RAD51B: variants seen among roughly 807,000 people sequenced by gnomAD.
RAD51B encodes the protein DNA repair protein RAD51 homolog 2.
In RAD51B, 38 loss-of-function variants were observed where a neutral mutation model predicts 42.2. The ratio of observed to expected loss-of-function variants is 0.90; its 90% CI spans 0.70 to 1.18. The LOEUF (loss-of-function observed/expected upper bound fraction) is 1.18, where lower values mean the gene tolerates loss of function less well. RAD51B is among the 50% of genes most tolerant of loss of function. The pLI is 0.00. For synonymous variants in RAD51B, 154 were observed against 145.2 expected (o/e 1.06, Z -0.43); for missense variants, 373 against 400.7 (o/e 0.93, Z 0.59).
At chr14:68,481,874 A>C (rs1883205189), downstream of RAD51B, among the ~76,000 whole-genome samples, 1 of 152,206 alleles carries the variant, frequency 6.6e-6, no homozygotes, top group African/African-American at 2.4e-5. Context: ...ATCACCAGGA[A>C]CAATGCTAGT....
chr14:67,968,281 T>G (rs889259937), intron 7 of RAD51B, among the ~76,000 whole-genome samples: 14 of 152,212 alleles, frequency 9.2e-5, no homozygotes, highest in Non-Finnish European at 1.3e-4. Flanking sequence ...TATGACATGC[T>G]CTGGAGAGAT....
At chr14:68,253,480 A>G (rs2080685568) in intron 7 of RAD51B, among the ~76,000 whole-genome samples, 1 of 151,952 alleles carries the variant, frequency 6.6e-6, no homozygotes, top group South Asian at 2.1e-4. Flanking sequence ...TTTGTCTCAT[A>G]TTTGTTTCAG....
At chr14:68,178,911 C>G (rs998650355) in intron 7 of RAD51B, among the ~76,000 whole-genome samples, 9 of 152,108 alleles carry the variant, frequency 5.9e-5, no homozygotes, top group Non-Finnish European at 1.2e-4. Context: ...AAGACAGAAT[C>G]CTTTTTTGGT....
chr14:68,405,829 CAAAAAAA>C (rs10547910), intron 8 of RAD51B, among the ~76,000 whole-genome samples: 4 of 71,546 alleles, frequency 5.6e-5, no homozygotes, highest in Non-Finnish European at 9.2e-5. Flanking sequence ...AGTTTATCAC[CAAAAAAA>C]AAAAAAAAAA....
chr14:67,840,595 G>A (rs1408592012), intron 4 of RAD51B, among the ~76,000 whole-genome samples: 2 of 152,136 alleles, frequency 1.3e-5, no homozygotes, highest in Non-Finnish European at 2.9e-5. Flanking sequence ...GTGAACATAC[G>A]AGTGCATATG....
intron 7 of RAD51B, among the ~76,000 whole-genome samples, chr14:67,975,881 A>C (rs914790417): frequency 2.0e-5 from 3 of 152,206 alleles, no homozygotes; most frequent in African/African-American, 7.2e-5. Context: ...AACTTGATTT[A>C]ACAGACCAAA....
intron 7 of RAD51B, among the ~76,000 whole-genome samples, chr14:68,074,228 A>C (rs1426336631): frequency 6.6e-6 from 1 of 151,936 alleles, no homozygotes; most frequent in African/African-American, 2.4e-5. Context: ...CAGTTTTTTA[A>C]AATTCTTTTT....
chr14:67,895,965 TG>T (rs1448831190), intron 7 of RAD51B, among the ~76,000 whole-genome samples: 4 of 152,226 alleles, frequency 2.6e-5, no homozygotes, highest in Non-Finnish European at 5.9e-5. Context: ...TACCTTCTTT[TG>T]TAGTACACAT....
At chr14:68,593,250 C>T (rs79339327) in intron 10 of RAD51B, among the ~76,000 whole-genome samples, 2 of 152,314 alleles carry the variant, frequency 1.3e-5, no homozygotes, top group African/African-American at 4.8e-5. Context: ...TCAGTAGCCT[C>T]GTCTAGAAAA....
chr14:68,063,542 C>T (rs2076602612), intron 7 of RAD51B, among the ~76,000 whole-genome samples: 1 of 152,148 alleles, frequency 6.6e-6, no homozygotes, highest in Non-Finnish European at 1.5e-5. Context: ...TTGAGACCAT[C>T]CTGGCCAACA....
chr14:68,439,006 C>T (rs549336511), intron 9 of RAD51B, among the ~76,000 whole-genome samples: 4 of 152,266 alleles, frequency 2.6e-5, no homozygotes, highest in South Asian at 4.1e-4. Context: ...CTCTCAGATC[C>T]GCTCCCTGCC....
intron 10 of RAD51B, among the ~76,000 whole-genome samples, chr14:68,558,389 C>T (rs189233697): frequency 2.8e-4 from 42 of 152,342 alleles, no homozygotes; most frequent in Non-Finnish European, 4.9e-4. Flanking sequence ...CCCCTAGCCA[C>T]GCGGGTACTT....
intron 10 of RAD51B, among the ~76,000 whole-genome samples, chr14:68,579,932 G>A (rs1025537634): frequency 2.6e-5 from 4 of 152,244 alleles, no homozygotes; most frequent in African/African-American, 9.6e-5. Flanking sequence ...AGTCAAGCAA[G>A]GGCCCTAAGA....
chr14:67,855,306 A>G (rs747255593), intron 4 of RAD51B, among the ~76,000 whole-genome samples: 5 of 151,626 alleles, frequency 3.3e-5, no homozygotes, highest in Admixed American at 6.6e-5. Flanking sequence ...TCTCGGCTCA[A>G]TGTAAGCTCC....
rs568908780 is a variant in RAD51B, at chr14:68,334,157, G to A, written c.853+42177G>A. Reference sequence around the variant, plus strand: ...GTAGAGTCAACCCTAGAAAAATGCAGGGATGAGGGGTGCTAACCCTCACAC... The same window carrying A: ...GTAGAGTCAACCCTAGAAAAATGCAAGGATGAGGGGTGCTAACCCTCACAC... On this transcript the variant is annotated intron_variant, in intron 8 of 10. Transcript: ENST00000471583. Among the ~76,000 whole-genome samples, 9 of 152,144 alleles carry A rather than the reference G, an allele frequency of 5.9e-5. No homozygotes were observed. The East Asian group carries it at 1.5e-3, about 26-fold the overall frequency.
chr14:68,346,128 TG>T (rs1412938887), intron 8 of RAD51B, among the ~76,000 whole-genome samples: 1 of 152,240 alleles, frequency 6.6e-6, no homozygotes, highest in Admixed American at 6.5e-5. Flanking sequence ...AATATCTTGA[TG>T]TTTTTTATAT....
chr14:67,921,251 A>G (rs2044312855), intron 7 of RAD51B, among the ~76,000 whole-genome samples: 1 of 152,070 alleles, frequency 6.6e-6, no homozygotes, highest in Non-Finnish European at 1.5e-5. Context: ...TCTGTTGTCC[A>G]GGCTGGAGTT....
chr14:68,046,196 T>C (rs775108251), intron 7 of RAD51B, among the ~76,000 whole-genome samples: 1 of 152,182 alleles, frequency 6.6e-6, no homozygotes, highest in Non-Finnish European at 1.5e-5. Context: ...CAATCATGGC[T>C]CACTGCAGCC....
rs529539511 is a variant in RAD51B, at chr14:68,195,007, G to A, written c.757-96877G>A. ...ATTAATTCATTCAGCACATAATAAC[G>A]AAGTATGTACTTGGTGGCAAGCACT... is the stretch of plus-strand genomic sequence containing the variant. On this transcript the variant is annotated intron_variant, in intron 7 of 10. Coordinates refer to ENST00000471583, the MANE Select transcript of RAD51B (RefSeq NM_133510.4). 2.6e-5 allele frequency among the ~76,000 whole-genome samples: 4 copies of A among 151,980 alleles called. 1 individual carries two copies. Among genetic ancestry groups the A allele is most frequent in the Admixed American group, 6.6e-5 (1 of 15,266 alleles).
Sources: allele counts gnomAD v4.1 joint callset (sites outside exome capture counted in the v4.1 genomes callset), GRCh38; gene constraint gnomAD v4.1.1; transcripts MANE v1.5; gene names NCBI Gene and HGNC (gene_info 2026-07-23, HGNC 2026-07-21).